The following SUPT5H variants were observed in gnomAD, a reference collection of about 807,000 sequenced individuals.
SUPT5H encodes transcription elongation factor SPT5.
A neutral mutation model predicts 142.5 loss-of-function variants in SUPT5H; 24 were observed. The observed-to-expected ratio is 0.17, with a 90% CI of 0.12 to 0.24. SUPT5H has a LOEUF of 0.24. SUPT5H is among the 10% of genes least tolerant of loss of function. The pLI, the probability that SUPT5H is intolerant of heterozygous loss-of-function variation, is 1.00. For synonymous variants in SUPT5H, 546 were observed against 553.0 expected (o/e 0.99, Z 0.18); for missense variants, 893 against 1,471.8 (o/e 0.61, Z 6.43).
At chr19:39,464,755 G>A (rs751590657) in intron 10 of SUPT5H, 43 bp from the exon 11 acceptor site, 26 of 1,552,996 alleles carry the variant, frequency 1.7e-5, no homozygotes, top group East Asian at 2.3e-5. Flanking sequence ...GTTATTAGCC[G>A]TTGTGTCTCA....
At chr19:39,454,491 CG>C (rs2079062184) in intron 3 of SUPT5H, among the ~76,000 whole-genome samples, 1 of 151,754 alleles carries the variant, frequency 6.6e-6, no homozygotes, top group Non-Finnish European at 1.5e-5. Context: ...ACTACGGGCA[CG>C]TGCCACCATG....
Position 39,458,265 on chromosome 19 carries a change from CCACCA to C in SUPT5H, c.308-27_308-23del. The C allele has an allele frequency of 2.5e-6, 4 of 1,595,642 alleles. No homozygotes were observed. The highest frequency in any genetic ancestry group is 1.7e-5 in the Admixed American group (1 of 59,186). On this transcript the variant is annotated intron_variant, in intron 4 of 29. Transcript: ENST00000432763. The surrounding 1 kb of genome is among the most constrained non-coding windows in gnomAD (Gnocchi z 4.2). The stretch of plus-strand genomic sequence containing the variant: ...ACCACCACCACCACCACCACCACCA[CCACCA>C]CCACCTCCTCTTCCTCCAAGTAGAA...
In SUPT5H at chr19:39,474,852, G is replaced by A. The variant is rs1039751965; in HGVS notation, c.3024+134G>A. The A allele has an allele frequency of 9.7e-6, 10 of 1,027,154 alleles. No individual in the cohort carries two copies. Among genetic ancestry groups the A allele is most frequent in the Non-Finnish European group, 1.3e-5 (9 of 703,392 alleles). 63.6% of individuals were successfully genotyped at this position (1,027,154 alleles called of 1,614,324 possible). A position where few individuals can be genotyped will look rare whatever the true frequency, so the allele number is the denominator to read the frequency against. ...GGATTGAGGAAGCCTAGAGGGCAAG[G>A]GGAGCTATGTGAACCCAAAGGAGGC... On this transcript the variant is annotated intron_variant, in intron 28 of 29. Transcript: ENST00000432763. This position sits in a 1 kb window ranked among gnomAD's most constrained non-coding sequence, Gnocchi z 6.5.
chr19:39,445,828 C>CG lies in SUPT5H; in HGVS notation c.-59dup. 6.3e-7 allele frequency: 1 copy of CG among 1,579,032 alleles called. No homozygotes were observed. Among genetic ancestry groups the CG allele is most frequent in the Non-Finnish European group, 8.6e-7 (1 of 1,158,294 alleles). Reference sequence around the variant, plus strand: ...GGGAACCAGCGGGGAAACTGAGGCTCGGGGTGGAGCGCAGGATTGTGGGAC... The same window carrying CG: ...GGGAACCAGCGGGGAAACTGAGGCTCGGGGGTGGAGCGCAGGATTGTGGGAC... On this transcript the variant is annotated 5_prime_UTR_variant, in exon 2 of 30. Transcript: ENST00000432763.
Position 39,470,539 on chromosome 19 carries a change from T to C in SUPT5H, c.1677+16T>C. Reference sequence around the variant, plus strand: ...GACCTTCCAGGTGTGTGTGTTGTGCTCTGTGGCGGGGACTTGCTTTTAGGA... The same window carrying C: ...GACCTTCCAGGTGTGTGTGTTGTGCCCTGTGGCGGGGACTTGCTTTTAGGA... On this transcript the variant is annotated intron_variant, in intron 18 of 29. Transcript: ENST00000432763. The surrounding 1 kb of genome is among the most constrained non-coding windows in gnomAD (Gnocchi z 5.8). 6.6e-7 allele frequency: 1 copy of C among 1,511,140 alleles called. No individual in the cohort carries two copies. 93.6% of individuals were successfully genotyped at this position (1,511,140 alleles called of 1,614,324 possible).
chr19:39,463,148 C>G (rs747590829), intron 10 of SUPT5H, among the ~76,000 whole-genome samples: 1 of 150,812 alleles, frequency 6.6e-6, no homozygotes, highest in African/African-American at 2.4e-5. Context: ...GAACCCACTG[C>G]GCCTGGCCAA....
At chr19:39,460,690 G>C (rs925050363) in intron 10 of SUPT5H, among the ~76,000 whole-genome samples, 1 of 152,056 alleles carries the variant, frequency 6.6e-6, no homozygotes, top group African/African-American at 2.4e-5. Flanking sequence ...AGCCGAGATC[G>C]CATCACTGCA....
At chr19:39,455,750 G>C (rs1413375191) in intron 3 of SUPT5H, among the ~76,000 whole-genome samples, 2 of 150,534 alleles carry the variant, frequency 1.3e-5, no homozygotes, top group Non-Finnish European at 3.0e-5. Context: ...AGCTTCCCGA[G>C]TAGCTGGGAT....
chr19:39,473,446 C>A lies in SUPT5H; in HGVS notation c.2417C>A (p.Thr806Lys). 1 of 1,613,392 alleles carries A rather than the reference C, an allele frequency of 6.2e-7. No individual in the cohort carries two copies. ...CGCACCCCACACTACGGCTCACAGA[C>A]GCCCCTGCATGATGGCAGCCGCACT... ...GSRTPHYGSQ[T>K]PLHDGSRTPA... The change falls in exon 25 of 30, where the codon ACG becomes AAG. Residue 806 changes from threonine (T) to lysine (K), a missense_variant. Thr to Lys is a moderately conservative substitution (Grantham distance 78). Transcript: ENST00000432763. This position sits in a 1 kb window ranked among gnomAD's most constrained non-coding sequence, Gnocchi z 5.8.
chr19:39,462,839 CTTTTTTT>C (rs71169597), intron 10 of SUPT5H, among the ~76,000 whole-genome samples: 125 of 110,340 alleles, frequency 1.1e-3, no homozygotes, highest in Admixed American at 1.9e-3. Flanking sequence ...CCTTAATTTT[CTTTTTTT>C]TTTTTTTTTT....
At position 39,473,650 on chromosome 19, in the gene SUPT5H, C is replaced by A; in HGVS notation, c.2492+129C>A. The A allele has an allele frequency of 1.7e-6, 2 of 1,146,544 alleles. No individual in the cohort carries two copies. The highest frequency in any genetic ancestry group is 1.5e-5 in the South Asian group (1 of 66,048). 71.0% of individuals were successfully genotyped at this position (1,146,544 alleles called of 1,614,324 possible). ...TCTGCTCCTAGCCTCAGGCTGGTCC[C>A]TTTGAAGGAGGAGGCATAGCATGGC... On this transcript the variant is annotated intron_variant, in intron 25 of 29. Transcript: ENST00000432763. The surrounding 1 kb of genome is among the most constrained non-coding windows in gnomAD (Gnocchi z 5.8).
intron 28 of SUPT5H, chr19:39,475,843 A>G (rs2079397429): frequency 1.4e-5 from 8 of 554,138 alleles, no homozygotes; most frequent in Non-Finnish European, 2.6e-5. Flanking sequence ...GTCAAGAAGC[A>G]GTCTCCTTTT....
chr19:39,464,966 A>G lies in SUPT5H; in HGVS notation c.793A>G (p.Lys265Glu). 6.2e-7 allele frequency: 1 copy of G among 1,614,244 alleles called. No individual in the cohort carries two copies. The highest frequency in any genetic ancestry group is 8.5e-7 in the Non-Finnish European group (1 of 1,180,044). ...VPIKEMTDVLKVVKEVANLKP... is the reference protein window; with the variant it reads ...VPIKEMTDVLEVVKEVANLKP... ...CATCAAGGAGATGACAGACGTGCTC[A>G]AAGTGGTGAAGGAGGTGGCCAACCT... Residue 265 changes from lysine (K) to glutamate (E), a missense_variant, in exon 11 of 30, where the codon AAA (lysine) becomes GAA (glutamate). Transcript: ENST00000432763.
At position 39,474,466 on chromosome 19, in the gene SUPT5H, G is replaced by A. The variant is rs747430806; in HGVS notation, c.2821-49G>A. The A allele has an allele frequency of 5.6e-6, 9 of 1,611,306 alleles. No individual in the cohort carries two copies. In the African/African-American group the frequency reaches 8.0e-5, roughly 14 times the overall value. ...AGGGTGACTTTGGGCATATAGGGTC[G>A]GCCAGGCCAGATGACTATTCCCAAT... On this transcript the variant is annotated intron_variant, in intron 27 of 29. Transcript: ENST00000432763. The surrounding 1 kb of genome is among the most constrained non-coding windows in gnomAD (Gnocchi z 6.5).
intron 10 of SUPT5H, among the ~76,000 whole-genome samples, chr19:39,461,747 C>T (rs1002267854): frequency 2.0e-5 from 3 of 150,994 alleles, no homozygotes; most frequent in African/African-American, 7.3e-5. Context: ...TTGCTTGAAC[C>T]CAGGAGTTGG....
intron 11 of SUPT5H, 75 bp downstream of exon 11, chr19:39,465,124 A>C (rs1276651071): frequency 3.3e-6 from 5 of 1,538,230 alleles, no homozygotes; most frequent in Non-Finnish European, 4.4e-6. Flanking sequence ...TGTCCTTCCC[A>C]CCCTCTTTGT....
intron 2 of SUPT5H, among the ~76,000 whole-genome samples, chr19:39,449,992 C>T (rs2079001352): frequency 6.8e-6 from 1 of 147,124 alleles, no homozygotes; most frequent in Non-Finnish European, 1.5e-5. Context: ...TGCTGGGGTG[C>T]AGTGGTGTGA....
chr19:39,476,004 C>A, intron 28 of SUPT5H, 77 bp from the exon 29 acceptor site: 2 of 1,352,492 alleles, frequency 1.5e-6, no homozygotes, highest in Non-Finnish European at 2.1e-6. Context: ...GAGCCCTGAG[C>A]CTGTGTCCCC....
chr19:39,463,801 A>G (rs1274809012), intron 10 of SUPT5H, among the ~76,000 whole-genome samples: 1 of 152,074 alleles, frequency 6.6e-6, no homozygotes, highest in Admixed American at 6.6e-5. Context: ...CTTCATTTTC[A>G]TTAGTTTCTG....
Sources: gnomAD v4.1 joint callset for allele counts (sites outside exome capture counted in the v4.1 genomes callset) on GRCh38, gnomAD v4.1.1 for gene constraint, Gnocchi (gnomAD v3.1) non-coding constraint, MANE v1.5 for transcripts, NCBI Gene and HGNC (gene_info 2026-07-23, HGNC 2026-07-21) for gene names.